The following TMEM117 variants were observed in gnomAD, a reference collection of about 807,000 sequenced individuals.
TMEM117 encodes transmembrane protein 117.
A neutral mutation model predicts 52.4 loss-of-function variants in TMEM117; 27 were observed. The ratio of observed to expected loss-of-function variants is 0.51; its 90% CI spans 0.38 to 0.71. TMEM117 has a LOEUF of 0.71. Ranked by LOEUF, TMEM117 falls within the 30% of genes least tolerant of loss-of-function variation. TMEM117 has a pLI of 0.00. For missense variants in TMEM117, 556 were observed against 630.5 expected, an observed-to-expected ratio of 0.88 and a Z score of 1.26; for synonymous variants, 215 against 206.3, an observed-to-expected ratio of 1.04 and a Z score of -0.36.
intron 2 of TMEM117, among the ~76,000 whole-genome samples, chr12:43,878,761 T>C (rs1943846674): frequency 6.6e-6 from 1 of 152,172 alleles, no homozygotes; most frequent in Non-Finnish European, 1.5e-5. Flanking sequence ...GTTTAGAAAC[T>C]TGGAGAACAA....
At chr12:44,098,787 ATAGG>A (rs1947815653) in intron 3 of TMEM117, among the ~76,000 whole-genome samples, 1 of 152,126 alleles carries the variant, frequency 6.6e-6, no homozygotes, top group Admixed American at 6.6e-5. Context: ...TCTAAAAGGA[ATAGG>A]TCTTAGTCTC....
intron 2 of TMEM117, among the ~76,000 whole-genome samples, chr12:43,939,687 G>C (rs886227039): frequency 6.6e-6 from 1 of 152,178 alleles, no homozygotes; most frequent in Admixed American, 6.5e-5. Flanking sequence ...ATAGAGGTGG[G>C]TGGCTGCCCT....
At chr12:44,090,837 G>GTTTTTTTTTT (rs1565823272) in intron 3 of TMEM117, among the ~76,000 whole-genome samples, 3 of 112,442 alleles carry the variant, frequency 2.7e-5, no homozygotes, top group East Asian at 2.4e-4. Flanking sequence ...CTGTATTTAT[G>GTTTTTTTTTT]TGTTTTTTTT....
intron 7 of TMEM117, among the ~76,000 whole-genome samples, chr12:44,380,735 GT>G (rs5797897): frequency 0.15 from 23,108 of 152,098 alleles, 3,639 homozygotes; most frequent in African/African-American, 0.4. Context: ...AGCTTTCACT[GT>G]TTTTTTACTT....
chr12:44,299,759 C>T lies in TMEM117; in HGVS notation c.768+20C>T, dbSNP rs760446317. On this transcript the variant is annotated intron_variant, in intron 6 of 7. Coordinates refer to ENST00000266534, the MANE Select transcript of TMEM117 (RefSeq NM_032256.3). ...ATGCAGGTAAGTGTATTTCCCTCCC[C>T]TCAGTGAAGCTGCTGCATGCTCTGT... 6.2e-7 allele frequency: 1 copy of T among 1,613,144 alleles called. No individual in the cohort carries two copies.
rs1158268857 is a variant in TMEM117, at chr12:43,944,359, C to T, written c.410+17C>T. ...GAACATGGGGTAGGTTTTCTTTCCC[C>T]TTTCTACTGTGGTGAGTGTTATGTT... is the stretch of plus-strand genomic sequence containing the variant. On this transcript the variant is annotated intron_variant, in intron 3 of 7. Coordinates refer to ENST00000266534, the MANE Select transcript of TMEM117 (RefSeq NM_032256.3). The T allele has an allele frequency of 6.2e-7, 1 of 1,603,428 alleles. No individual in the cohort carries two copies. Among genetic ancestry groups the T allele is most frequent in the East Asian group, 2.2e-5 (1 of 44,626 alleles).
At chr12:43,884,768 A>G (rs908283612) in intron 2 of TMEM117, among the ~76,000 whole-genome samples, 9 of 152,238 alleles carry the variant, frequency 5.9e-5, no homozygotes, top group African/African-American at 2.2e-4. Flanking sequence ...GGTCCAGGAC[A>G]TGTAGCCCTC....
chr12:43,926,009 C>T (rs1178659341), intron 2 of TMEM117, among the ~76,000 whole-genome samples: 1 of 152,202 alleles, frequency 6.6e-6, no homozygotes, highest in African/African-American at 2.4e-5. Flanking sequence ...TACATATCCC[C>T]AGTGCCATTA....
At chr12:43,981,531 C>A (rs573778273) in intron 3 of TMEM117, among the ~76,000 whole-genome samples, 1 of 152,258 alleles carries the variant, frequency 6.6e-6, no homozygotes, top group Non-Finnish European at 1.5e-5. Flanking sequence ...GAGTTCCTTA[C>A]TGGTAGAAGT....
chr12:44,321,016 T>C (rs375466590), intron 6 of TMEM117, among the ~76,000 whole-genome samples: 16 of 152,362 alleles, frequency 1.1e-4, no homozygotes, highest in African/African-American at 3.8e-4. Context: ...GGAGCAATTT[T>C]ATTTTTTCAT....
intron 2 of TMEM117, among the ~76,000 whole-genome samples, chr12:43,876,556 C>CA (rs1448500856): frequency 6.6e-6 from 1 of 152,174 alleles, no homozygotes; most frequent in Non-Finnish European, 1.5e-5. Flanking sequence ...GGTAATATCT[C>CA]ACAGCCTTGT....
chr12:43,835,266 G>C (rs533872021), upstream of TMEM117, among the ~76,000 whole-genome samples: 50 of 152,286 alleles, frequency 3.3e-4, no homozygotes, highest in South Asian at 0.01. Context: ...GGGTCTTCCT[G>C]CCCTATGCCG....
intron 5 of TMEM117, among the ~76,000 whole-genome samples, chr12:44,282,821 A>G (rs758355486): frequency 1.3e-5 from 2 of 152,234 alleles, no homozygotes; most frequent in Non-Finnish European, 2.9e-5. Context: ...AGGCTGTGTC[A>G]GAGACCTTCA....
chr12:43,994,322 C>G (rs1161371040), intron 3 of TMEM117, among the ~76,000 whole-genome samples: 2 of 152,124 alleles, frequency 1.3e-5, no homozygotes, highest in Non-Finnish European at 2.9e-5. Context: ...TAATAATAGA[C>G]CCCTTAAAAT....
chr12:44,032,806 G>A (rs1592457694), intron 3 of TMEM117, among the ~76,000 whole-genome samples: 1 of 152,250 alleles, frequency 6.6e-6, no homozygotes, highest in East Asian at 1.9e-4. Context: ...AGTGAGGTAG[G>A]AATATCATTG....
chr12:44,372,504 T>C (rs970677138), intron 6 of TMEM117, among the ~76,000 whole-genome samples: 2 of 151,978 alleles, frequency 1.3e-5, no homozygotes, highest in Admixed American at 1.3e-4. Flanking sequence ...AGAAGCCAAC[T>C]ATCCCTGGGG....
At chr12:44,236,290 C>A (rs1027917643) in intron 5 of TMEM117, among the ~76,000 whole-genome samples, 2 of 151,902 alleles carry the variant, frequency 1.3e-5, no homozygotes, top group Non-Finnish European at 2.9e-5. Context: ...ATGCCCTATT[C>A]TCTGACACTC....
chr12:43,847,540 C>G (rs908845627), intron 2 of TMEM117, among the ~76,000 whole-genome samples: 4 of 152,046 alleles, frequency 2.6e-5, no homozygotes, highest in Admixed American at 2.6e-4. Flanking sequence ...TGAACTGACT[C>G]AGAACAAATG....
chr12:44,199,869 G>C (rs948870851), intron 4 of TMEM117, among the ~76,000 whole-genome samples: 1 of 152,132 alleles, frequency 6.6e-6, no homozygotes, highest in Admixed American at 6.5e-5. Context: ...TGTAATACCA[G>C]CACATTGGGA....
Sources: allele counts gnomAD v4.1 joint callset (sites outside exome capture counted in the v4.1 genomes callset), GRCh38; gene constraint gnomAD v4.1.1; transcripts MANE v1.5; gene names NCBI Gene and HGNC (gene_info 2026-07-23, HGNC 2026-07-21).